DNER: variants seen among roughly 807,000 people sequenced by gnomAD.
DNER encodes the protein delta/notch like EGF repeat containing, also known as delta and Notch-like epidermal growth factor-related receptor.
DNER carries 33 observed loss-of-function variants against 78.2 expected under a neutral mutation model. The observed-to-expected ratio is 0.42, with a 90% CI of 0.32 to 0.56. The LOEUF is 0.56. DNER is among the 20% of genes least tolerant of loss of function. DNER has a pLI of 0.11. For synonymous variants in DNER, 417 were observed against 384.8 expected (o/e 1.08, Z -0.98); for missense variants, 918 against 975.3 (o/e 0.94, Z 0.78).
rs372471831 is a variant in DNER, at chr2:229,621,549, C to T, written c.277-29661G>A. On this transcript the variant is annotated intron_variant, in intron 1 of 12. Transcript: ENST00000341772. ...GCCACCTGGATGCACCTGGCCTCAC[C>T]CTCACTCCTTGCCCTTTGGTTTTTT... 2.0e-4 allele frequency among the ~76,000 whole-genome samples: 30 copies of T among 152,108 alleles called. 1 individual carries two copies. Among genetic ancestry groups the T allele is most frequent in the African/African-American group, 6.7e-4 (28 of 41,516 alleles).
chr2:229,391,600 G>A (rs565973408), intron 10 of DNER, among the ~76,000 whole-genome samples: 7 of 152,018 alleles, frequency 4.6e-5, no homozygotes, highest in Non-Finnish European at 1.0e-4. Context: ...TGAGTGCAGT[G>A]GCACAATCTC....
At chr2:229,594,434 A>G (rs1574918505) in intron 1 of DNER, among the ~76,000 whole-genome samples, 1 of 152,276 alleles carries the variant, frequency 6.6e-6, no homozygotes, top group South Asian at 2.1e-4. Flanking sequence ...TAAAAATACA[A>G]AAATTAGTCG....
intron 11 of DNER, among the ~76,000 whole-genome samples, chr2:229,378,918 T>A (rs1692670276): frequency 6.6e-6 from 1 of 152,158 alleles, no homozygotes. Context: ...TCCGCAAACC[T>A]CATACACACG....
chr2:229,467,524 C>G (rs1294783369), intron 7 of DNER, among the ~76,000 whole-genome samples: 2 of 152,148 alleles, frequency 1.3e-5, no homozygotes, highest in South Asian at 2.1e-4. Flanking sequence ...AGAGTCAGAG[C>G]CTCGACCTGA....
chr2:229,373,401 C>T (rs73096267), intron 11 of DNER, among the ~76,000 whole-genome samples: 2,442 of 152,186 alleles, frequency 0.016, 69 homozygotes, highest in African/African-American at 0.056. Flanking sequence ...AAGATAATCA[C>T]GTCCCACCAG....
In DNER at chr2:229,540,658, T is replaced by C. The variant is rs369675241; in HGVS notation, c.993+6289A>G. 1.0e-3 allele frequency among the ~76,000 whole-genome samples: 158 copies of C among 151,964 alleles called. 2 individuals carry two copies. In the Middle Eastern group the frequency reaches 0.014, roughly 13 times the overall value. On this transcript the variant is annotated intron_variant, in intron 5 of 12. Transcript: ENST00000341772. ...AGAACTCAGTTGTAGGTAGGAAGAG[T>C]AGGACTTCCCAGAGCTTGAGCCTTC...
At chr2:229,671,654 T>G (rs1699211291) in intron 1 of DNER, among the ~76,000 whole-genome samples, 1 of 152,224 alleles carries the variant, frequency 6.6e-6, no homozygotes, top group Admixed American at 6.5e-5. Context: ...GCTGAATTAA[T>G]TGCTAGAGTC....
chr2:229,537,687 C>A (rs1696434213), intron 5 of DNER, among the ~76,000 whole-genome samples: 1 of 152,156 alleles, frequency 6.6e-6, no homozygotes. Context: ...ACATTTCAAC[C>A]TTCTGAAATA....
intron 1 of DNER, among the ~76,000 whole-genome samples, chr2:229,694,086 G>A (rs951762832): frequency 6.6e-5 from 10 of 152,208 alleles, no homozygotes; most frequent in Non-Finnish European, 7.3e-5. Flanking sequence ...GGCTAAAAGG[G>A]GCAAATGTAC....
intron 5 of DNER, among the ~76,000 whole-genome samples, chr2:229,516,661 C>T (rs748703368): frequency 2.0e-5 from 3 of 151,676 alleles, no homozygotes; most frequent in African/African-American, 4.8e-5. Flanking sequence ...TGTGGGAAGA[C>T]GTAGTGCCAG....
chr2:229,631,239 C>A (rs945862650), intron 1 of DNER, among the ~76,000 whole-genome samples: 6 of 151,822 alleles, frequency 4.0e-5, no homozygotes, highest in African/African-American at 9.7e-5. Context: ...AAAAAAAAAA[C>A]ATTTAAAGAC....
chr2:229,659,475 A>C (rs984608867), intron 1 of DNER, among the ~76,000 whole-genome samples: 17 of 152,154 alleles, frequency 1.1e-4, no homozygotes, highest in African/African-American at 3.9e-4. Flanking sequence ...TCAAGATCTG[A>C]ACTGTAGGAC....
At chr2:229,509,479 G>A (rs1695818372) in intron 6 of DNER, among the ~76,000 whole-genome samples, 1 of 152,204 alleles carries the variant, frequency 6.6e-6, no homozygotes, top group Non-Finnish European at 1.5e-5. Flanking sequence ...GAACAAAACT[G>A]ATCCAGGTCC....
chr2:229,679,615 G>A (rs183074017), intron 1 of DNER, among the ~76,000 whole-genome samples: 43 of 152,192 alleles, frequency 2.8e-4, no homozygotes, highest in Non-Finnish European at 4.0e-4. Flanking sequence ...GTACCTTATC[G>A]TTCTGTAGCT....
chr2:229,655,217 A>G (rs1316428524), intron 1 of DNER, among the ~76,000 whole-genome samples: 1 of 152,144 alleles, frequency 6.6e-6, no homozygotes, highest in African/African-American at 2.4e-5. Context: ...TGCAATCAAG[A>G]ACGACCACCA....
chr2:229,581,111 G>A (rs1341560430), intron 4 of DNER, among the ~76,000 whole-genome samples: 4 of 152,148 alleles, frequency 2.6e-5, no homozygotes, highest in Non-Finnish European at 5.9e-5. Context: ...CTTAAAAGCA[G>A]CACAAAGGGG....
chr2:229,449,243 T>A (rs975931163), intron 7 of DNER, among the ~76,000 whole-genome samples: 12 of 152,234 alleles, frequency 7.9e-5, no homozygotes, highest in African/African-American at 2.9e-4. Context: ...TTTACTCTGA[T>A]TGAAAAGAAG....
chr2:229,576,780 G>A (rs1472985899), intron 4 of DNER, among the ~76,000 whole-genome samples: 2 of 152,054 alleles, frequency 1.3e-5, no homozygotes, highest in Admixed American at 6.6e-5. Flanking sequence ...GAATCAGAGT[G>A]GAGAGAAATG....
chr2:229,590,655 G>T (rs944277789), intron 2 of DNER, among the ~76,000 whole-genome samples: 5 of 152,162 alleles, frequency 3.3e-5, no homozygotes, highest in African/African-American at 1.2e-4. Flanking sequence ...GCTCCATAGC[G>T]CCTTCTACCA....
Sources: allele counts gnomAD v4.1 joint callset (sites outside exome capture counted in the v4.1 genomes callset), GRCh38; gene constraint gnomAD v4.1.1; transcripts MANE v1.5; gene names NCBI Gene and HGNC (gene_info 2026-07-23, HGNC 2026-07-21).